The following ADAMTSL1 variants were observed in gnomAD, a reference collection of about 807,000 sequenced individuals.
ADAMTSL1 encodes the protein ADAMTS like 1, also known as ADAMTS-like protein 1.
A neutral mutation model predicts 201.8 loss-of-function variants in ADAMTSL1; 126 were observed. That is an observed-to-expected ratio of 0.62 (90% CI 0.54 to 0.72). The LOEUF (loss-of-function observed/expected upper bound fraction) is 0.72, where lower values mean the gene tolerates loss of function less well. ADAMTSL1 is among the 30% of genes least tolerant of loss of function. The pLI, the probability that ADAMTSL1 is intolerant of heterozygous loss-of-function variation, is 0.00. For synonymous variants in ADAMTSL1, 1,121 were observed against 903.4 expected, an observed-to-expected ratio of 1.24 and a Z score of -4.32; for missense variants, 2,679 against 2,277.8, an observed-to-expected ratio of 1.18 and a Z score of -3.59.
intron 1 of ADAMTSL1, among the ~76,000 whole-genome samples, chr9:18,040,273 G>T (rs1197793975): frequency 6.6e-6 from 1 of 152,134 alleles, no homozygotes; most frequent in Non-Finnish European, 1.5e-5. Flanking sequence ...AGCAAGGTAG[G>T]TGACATGTCT....
At chr9:18,400,229 A>G (rs909953494) in intron 2 of ADAMTSL1, among the ~76,000 whole-genome samples, 1 of 152,200 alleles carries the variant, frequency 6.6e-6, no homozygotes, top group Non-Finnish European at 1.5e-5. Context: ...TCCTACTGTG[A>G]TACTTATTTC....
intron 1 of ADAMTSL1, among the ~76,000 whole-genome samples, chr9:18,006,945 G>A (rs780892477): frequency 1.1e-4 from 16 of 151,966 alleles, no homozygotes; most frequent in South Asian, 2.1e-4. Context: ...CTGGAACAGG[G>A]CATCATCTTA....
intron 1 of ADAMTSL1, among the ~76,000 whole-genome samples, chr9:18,073,812 TG>T (rs1823073386): frequency 6.6e-6 from 1 of 152,186 alleles, no homozygotes. Flanking sequence ...TCAGCGGCCT[TG>T]GCAATGTCAT....
intron 2 of ADAMTSL1, among the ~76,000 whole-genome samples, chr9:18,506,647 C>T (rs548188540): frequency 6.6e-6 from 1 of 151,972 alleles, no homozygotes; most frequent in Non-Finnish European, 1.5e-5. Context: ...TGTTAGGGCT[C>T]TATTATGATA....
chr9:18,836,139 C>T (rs369224286), intron 23 of ADAMTSL1, among the ~76,000 whole-genome samples: 49 of 152,270 alleles, frequency 3.2e-4, no homozygotes, highest in African/African-American at 1.1e-3. Flanking sequence ...TAAAAGCATT[C>T]CCTTTTCTCT....
chr9:18,388,674 CT>C (rs1426829251), intron 2 of ADAMTSL1, among the ~76,000 whole-genome samples: 1 of 151,624 alleles, frequency 6.6e-6, no homozygotes, highest in East Asian at 1.9e-4. Flanking sequence ...CTCTGATCTC[CT>C]TTTTTCCTCT....
chr9:18,243,479 C>G (rs1056501825), intron 2 of ADAMTSL1, among the ~76,000 whole-genome samples: 2 of 152,070 alleles, frequency 1.3e-5, no homozygotes, highest in East Asian at 1.9e-4. Context: ...TCTCCTCACA[C>G]TGACCTTTGA....
At chr9:18,415,104 A>C (rs1466979018) in intron 2 of ADAMTSL1, among the ~76,000 whole-genome samples, 1 of 152,248 alleles carries the variant, frequency 6.6e-6, no homozygotes. Flanking sequence ...AAAGCTTAAG[A>C]ATGTTTACAT....
At chr9:18,525,755 T>G (rs538338757) in intron 2 of ADAMTSL1, among the ~76,000 whole-genome samples, 5 of 152,360 alleles carry the variant, frequency 3.3e-5, no homozygotes, top group African/African-American at 1.2e-4. Context: ...TGAGTGGTTT[T>G]GAGTGAGTTT....
chr9:17,953,033 G>GTTTTTTT (rs5896767), intron 1 of ADAMTSL1, among the ~76,000 whole-genome samples: 1 of 144,556 alleles, frequency 6.9e-6, no homozygotes, highest in Non-Finnish European at 1.5e-5. Flanking sequence ...AATTTCCATA[G>GTTTTTTT]TTTTTTTTTT....
chr9:18,675,712 A>G, intron 9 of ADAMTSL1, 145 bp from the exon 10 acceptor site: 1 of 711,470 alleles, frequency 1.4e-6, no homozygotes, highest in Admixed American at 2.8e-5. Flanking sequence ...ATAAAGATAT[A>G]AAACTGTTTT....
intron 2 of ADAMTSL1, among the ~76,000 whole-genome samples, chr9:18,281,100 A>G (rs1190217701): frequency 2.0e-5 from 3 of 152,164 alleles, no homozygotes; most frequent in African/African-American, 7.2e-5. Context: ...TGAAGGGAGA[A>G]GAAAAGGCCC....
chr9:18,668,303 G>C (rs78575478), intron 9 of ADAMTSL1, among the ~76,000 whole-genome samples: 1,543 of 152,014 alleles, frequency 0.01, 23 homozygotes, highest in African/African-American at 0.036. Flanking sequence ...ACAAAGTTAG[G>C]GTGCTTCTTA....
chr9:17,908,034 A>T (rs1024280943), intron 1 of ADAMTSL1, among the ~76,000 whole-genome samples: 1 of 151,854 alleles, frequency 6.6e-6, no homozygotes, highest in Non-Finnish European at 1.5e-5. Context: ...TTGTTTTCCG[A>T]TCTCTATTTT....
chr9:18,739,899 CTGTGTG>C (rs5896804), intron 15 of ADAMTSL1, among the ~76,000 whole-genome samples: 204 of 148,200 alleles, frequency 1.4e-3, no homozygotes, highest in Admixed American at 1.5e-3. Context: ...TGTCTACTAT[CTGTGTG>C]TGTGTGTGTG....
At chr9:18,077,042 A>G (rs1475533109) in intron 1 of ADAMTSL1, among the ~76,000 whole-genome samples, 1 of 152,180 alleles carries the variant, frequency 6.6e-6, no homozygotes, top group South Asian at 2.1e-4. Context: ...AACGTTGGCC[A>G]CATTTACTGA....
At chr9:18,269,254 C>G (rs546902430) in intron 2 of ADAMTSL1, among the ~76,000 whole-genome samples, 3 of 152,200 alleles carry the variant, frequency 2.0e-5, no homozygotes, top group Non-Finnish European at 2.9e-5. Flanking sequence ...ATACAGTAAA[C>G]TCTTTGAAGG....
At position 18,639,632 on chromosome 9, in the gene ADAMTSL1, A is replaced by G. The variant is rs149205258; in HGVS notation, c.834+221A>G. ...AGAAAATCTTTATTATATAATTAATACAATCTTTATTATGTAATTAATAAA... is the reference window on the plus strand; with the variant it reads ...AGAAAATCTTTATTATATAATTAATGCAATCTTTATTATGTAATTAATAAA... On this transcript the variant is annotated intron_variant, in intron 7 of 28. Transcript: ENST00000380548. 5.3e-5 allele frequency among the ~76,000 whole-genome samples: 8 copies of G among 152,242 alleles called. 1 individual carries two copies. The East Asian group carries it at 1.3e-3, about 26-fold the overall frequency.
In ADAMTSL1 at chr9:18,252,039, A is replaced by G. The variant is rs150043453; in HGVS notation, c.207+88058A>G. Among the ~76,000 whole-genome samples, 650 of 152,236 alleles carry G rather than the reference A, an allele frequency of 4.3e-3. 2 individuals carry two copies. Among genetic ancestry groups the G allele is most frequent in the Middle Eastern group, 0.027 (8 of 294 alleles). On this transcript the variant is annotated intron_variant, in intron 2 of 29. Coordinates refer to the ADAMTSL1 transcript ENST00000680146. The stretch of plus-strand genomic sequence containing the variant: ...ATATTTTAAAATTTCCTACCAAGAC[A>G]GGAAACCAAGATACTAAAAGAAAAA...
Sources: gnomAD v4.1 joint callset for allele counts (sites outside exome capture counted in the v4.1 genomes callset) on GRCh38, gnomAD v4.1.1 for gene constraint, MANE v1.5 for transcripts, NCBI Gene and HGNC (gene_info 2026-07-23, HGNC 2026-07-21) for gene names.